Variants in GOLIM4 observed in about 807,000 individuals in gnomAD.
The protein encoded by GOLIM4 is 130 kDa golgi-localized phosphoprotein.
A neutral mutation model predicts 107.4 loss-of-function variants in GOLIM4; 71 were observed. The ratio of observed to expected loss-of-function variants is 0.66; its 90% confidence interval spans 0.55 to 0.81. The LOEUF (loss-of-function observed/expected upper bound fraction) is 0.81, where lower values mean the gene tolerates loss of function less well. Among genes scored for constraint, GOLIM4 ranks in the 30% least tolerant of loss-of-function variants. The pLI, the probability that GOLIM4 is intolerant of heterozygous loss-of-function variation, is 0.00. For synonymous variants in GOLIM4, 327 were observed against 294.8 expected (o/e 1.11, Z -1.12); for missense variants, 830 against 826.1 (o/e 1.00, Z -0.06).
rs1257790565 is a variant in GOLIM4, at chr3:168,009,672, A to G, written c.*597T>C. The G allele has an allele frequency of 6.6e-6, 1 of 152,186 alleles. No homozygotes were observed. Among genetic ancestry groups the G allele is most frequent in the Non-Finnish European group, 1.5e-5 (1 of 68,036 alleles). The allele number at this position is 152,186 out of a possible 1,614,324, so 9.4% of individuals were successfully genotyped here. A position where few individuals can be genotyped will look rare whatever the true frequency, so the allele number is the denominator to read the frequency against. On this transcript the variant is annotated 3_prime_UTR_variant, in exon 16 of 16. Transcript: ENST00000470487. ...ACAGCTATGATTTTAAAGCAATGAC[A>G]TTTTTCTAATTGATCTGAAAAGTCT...
chr3:168,063,863 C>A (rs1473202617), intron 1 of GOLIM4, among the ~76,000 whole-genome samples: 3 of 151,750 alleles, frequency 2.0e-5, no homozygotes, highest in Non-Finnish European at 2.9e-5. Flanking sequence ...TGCACATGTA[C>A]CCCCGAGCCT....
At chr3:168,050,757 T>C (rs1719581749) in intron 1 of GOLIM4, among the ~76,000 whole-genome samples, 1 of 151,260 alleles carries the variant, frequency 6.6e-6, no homozygotes, top group Non-Finnish European at 1.5e-5. Flanking sequence ...ACAGGTGAAC[T>C]ATCCAAGATC....
intron 14 of GOLIM4, among the ~76,000 whole-genome samples, chr3:168,014,258 A>G (rs1717233051): frequency 6.6e-6 from 1 of 151,334 alleles, no homozygotes; most frequent in Admixed American, 6.6e-5. Flanking sequence ...AATACTACAA[A>G]CACCTCTACA....
intron 1 of GOLIM4, among the ~76,000 whole-genome samples, chr3:168,053,628 AC>A (rs1437518527): frequency 1.3e-5 from 2 of 152,192 alleles, no homozygotes; most frequent in African/African-American, 2.4e-5. Flanking sequence ...AGACTTCAAT[AC>A]TTTTGAGGGT....
intron 1 of GOLIM4, among the ~76,000 whole-genome samples, chr3:168,084,906 C>G (rs974966462): frequency 6.6e-6 from 1 of 151,774 alleles, no homozygotes; most frequent in Admixed American, 6.6e-5. Flanking sequence ...GCAATAACCA[C>G]ACTTAGGTGT....
chr3:168,024,836 G>A lies in GOLIM4; in HGVS notation c.1791+92C>T, dbSNP rs566878781. The A allele has an allele frequency of 6.3e-5, 82 of 1,305,156 alleles. No homozygotes were observed. In the African/African-American group the frequency reaches 6.9e-4, roughly 11 times the overall value. 80.8% of individuals were successfully genotyped at this position (1,305,156 alleles called of 1,614,324 possible). A position where few individuals can be genotyped will look rare whatever the true frequency, so the allele number is the denominator to read the frequency against. On this transcript the variant is annotated intron_variant, in intron 13 of 15. Coordinates refer to ENST00000470487, the MANE Select transcript of GOLIM4 (RefSeq NM_014498.5). ...AAACCACCGAAGTGGCAAACCTTCC[G>A]TCAATGTGGAATATGACTAACCTTT...
chr3:168,015,814 G>A lies in GOLIM4; in HGVS notation c.1861-4991C>T, dbSNP rs575543183. On this transcript the variant is annotated intron_variant, in intron 14 of 15. Transcript: ENST00000470487. ...GAAAGGATTCCCTATTTAATAAATG[G>A]TGCTGGGAAAACTGGCTAGCCATAT... 9.0e-5 allele frequency among the ~76,000 whole-genome samples: 12 copies of A among 132,678 alleles called. 1 individual carries two copies. The South Asian group carries it at 1.9e-3, about 21-fold the overall frequency. The allele number at this position is 132,678 out of a possible 152,430, so 87.0% of individuals were successfully genotyped here. A position where few individuals can be genotyped will look rare whatever the true frequency, so the allele number is the denominator to read the frequency against.
intron 11 of GOLIM4, among the ~76,000 whole-genome samples, chr3:168,028,889 A>G (rs982601688): frequency 4.6e-5 from 7 of 152,228 alleles, no homozygotes; most frequent in Non-Finnish European, 7.3e-5. Flanking sequence ...ATTTTAAGGC[A>G]ATGATGTGAG....
At chr3:168,018,328 A>T (rs1577503916) in intron 14 of GOLIM4, among the ~76,000 whole-genome samples, 2 of 152,198 alleles carry the variant, frequency 1.3e-5, no homozygotes, top group African/African-American at 4.8e-5. Flanking sequence ...TGAGACAAGA[A>T]TGAACTGCAG....
At chr3:168,021,684 CA>C (rs147335386) in intron 14 of GOLIM4, among the ~76,000 whole-genome samples, 16 of 145,910 alleles carry the variant, frequency 1.1e-4, no homozygotes, top group African/African-American at 3.3e-4. Flanking sequence ...AAACAAAAAA[CA>C]AAAAAAAAAG....
intron 1 of GOLIM4, among the ~76,000 whole-genome samples, chr3:168,091,898 C>T (rs1415701582): frequency 6.6e-6 from 1 of 152,152 alleles, no homozygotes; most frequent in Non-Finnish European, 1.5e-5. Flanking sequence ...ATAAAAAATT[C>T]AAGTGTCTCT....
chr3:168,067,740 C>T (rs1034695004), intron 1 of GOLIM4, among the ~76,000 whole-genome samples: 12 of 151,952 alleles, frequency 7.9e-5, no homozygotes, highest in Admixed American at 3.3e-4. Context: ...TGCCAAAGTA[C>T]GGACAGAAGC....
chr3:168,008,769 A>T lies in GOLIM4; in HGVS notation c.*1500T>A, dbSNP rs1716817482. 1 of 152,182 alleles carries T rather than the reference A, an allele frequency of 6.6e-6. No homozygotes were observed. Among genetic ancestry groups the T allele is most frequent in the Non-Finnish European group, 1.5e-5 (1 of 68,018 alleles). 9.4% of individuals were successfully genotyped at this position (152,182 alleles called of 1,614,324 possible). A position where few individuals can be genotyped will look rare whatever the true frequency, so the allele number is the denominator to read the frequency against. ...AAATACTGCAACTGGGACATTAAAA[A>T]TACAAGCTAATTTACCAAAATAATT... On this transcript the variant is annotated 3_prime_UTR_variant, in exon 16 of 16. Coordinates refer to ENST00000470487, the MANE Select transcript of GOLIM4 (RefSeq NM_014498.5).
In GOLIM4 at chr3:168,088,809, C is replaced by T. The variant is rs117021072; in HGVS notation, c.187+6290G>A. ...TCCAATTCACTTATTCCTTCAGCCACAGTAATGTGGTATTGTACCCCAGCC... is the reference window on the plus strand; with the variant it reads ...TCCAATTCACTTATTCCTTCAGCCATAGTAATGTGGTATTGTACCCCAGCC... On this transcript the variant is annotated intron_variant, in intron 1 of 15. Transcript: ENST00000470487. Among the ~76,000 whole-genome samples the T allele has an allele frequency of 6.6e-3, 1,004 of 152,306 alleles. 16 individuals carry two copies. Among genetic ancestry groups the T allele is most frequent in the East Asian group, 0.042 (216 of 5,186 alleles).
chr3:168,040,364 T>C (rs1401325378), intron 7 of GOLIM4, among the ~76,000 whole-genome samples: 3 of 152,220 alleles, frequency 2.0e-5, no homozygotes, highest in African/African-American at 7.2e-5. Flanking sequence ...AAGGAGGGTG[T>C]GTAGGCTGGA....
rs1722151797 is a variant in GOLIM4, at chr3:168,095,554, CCGCATACTTCAGAGCCGGCTG to C, written c.-290_-270del. 2.2e-6 allele frequency: 1 copy of C among 449,164 alleles called. No individual in the cohort carries two copies. Among genetic ancestry groups the C allele is most frequent in the Non-Finnish European group, 3.9e-6 (1 of 253,268 alleles). The allele number at this position is 449,164 out of a possible 1,614,324, so 27.8% of individuals were successfully genotyped here. On this transcript the variant is annotated 5_prime_UTR_variant, in exon 1 of 16. An upstream start codon of the reference 5' UTR is lost. Coordinates refer to ENST00000470487, the MANE Select transcript of GOLIM4 (RefSeq NM_014498.5). ...ATGCCCGGGGCCGGGAGGAGGCCCT[CCGCATACTTCAGAGCCGGCTG>C]CCCTCGCGCCTGTCCCCAGATGCCT...
intron 1 of GOLIM4, among the ~76,000 whole-genome samples, chr3:168,058,703 G>T (rs1720106022): frequency 6.6e-6 from 1 of 152,140 alleles, no homozygotes; most frequent in South Asian, 2.1e-4. Context: ...TTCTTAAACA[G>T]AATCTCTTTG....
intron 8 of GOLIM4, among the ~76,000 whole-genome samples, chr3:168,033,555 C>T (rs1433589476): frequency 4.2e-5 from 5 of 119,060 alleles, no homozygotes; most frequent in Admixed American, 1.2e-4. Context: ...TGCAGTGAGC[C>T]GAGATTGCGC....
chr3:168,091,792 T>A (rs1230404730), intron 1 of GOLIM4, among the ~76,000 whole-genome samples: 6 of 152,318 alleles, frequency 3.9e-5, no homozygotes, highest in African/African-American at 1.2e-4. Flanking sequence ...ATCTCCACTT[T>A]ATAAATAAGA....
Sources: gnomAD v4.1 joint callset for allele counts (sites outside exome capture counted in the v4.1 genomes callset) on GRCh38, gnomAD v4.1.1 for gene constraint, MANE v1.5 for transcripts, NCBI Gene and HGNC (gene_info 2026-07-23, HGNC 2026-07-21) for gene names.